The following RCAN2 variants were observed in gnomAD, a reference collection of about 807,000 sequenced individuals.
The protein encoded by RCAN2 is calcipressin-2.
A neutral mutation model predicts 23.6 loss-of-function variants in RCAN2; 9 were observed. That is an observed-to-expected ratio of 0.38 (90% CI 0.23 to 0.67). The LOEUF (loss-of-function observed/expected upper bound fraction) is 0.67, where lower values mean the gene tolerates loss of function less well. RCAN2 is among the 30% of genes least tolerant of loss of function. The pLI is 0.51. For missense variants in RCAN2, 273 were observed against 302.3 expected (o/e 0.90, Z 0.72); for synonymous variants, 109 against 115.7 (o/e 0.94, Z 0.37).
chr6:46,468,877 G>A lies in RCAN2; in HGVS notation c.-2-11899C>T, dbSNP rs549649534. On this transcript the variant is annotated intron_variant, in intron 1 of 4. Transcript: ENST00000371374. The stretch of plus-strand genomic sequence containing the variant: ...CATTGTCTCCAGCTGTGTTAAATCC[G>A]GAAGGCTGAGTGTTTTCATTCTCTC... The A allele has an allele frequency of 3.8e-5, 37 of 983,440 alleles. No homozygotes were observed. In the Admixed American group the frequency reaches 8.6e-4, roughly 23 times the overall value. 60.9% of individuals were successfully genotyped at this position (983,440 alleles called of 1,614,324 possible).
intron 2 of RCAN2, among the ~76,000 whole-genome samples, chr6:46,438,827 A>C (rs1170075516): frequency 6.6e-6 from 1 of 152,156 alleles, no homozygotes; most frequent in Non-Finnish European, 1.5e-5. Flanking sequence ...TGTACTCCCA[A>C]TGCCAAGAGC....
At chr6:46,238,406 T>A (rs935941409) in intron 4 of RCAN2, among the ~76,000 whole-genome samples, 1 of 152,178 alleles carries the variant, frequency 6.6e-6, no homozygotes, top group Non-Finnish European at 1.5e-5. Context: ...GATTTTTTTT[T>A]GTCATATGGT....
intron 2 of RCAN2, among the ~76,000 whole-genome samples, chr6:46,452,331 T>G (rs1218437993): frequency 6.6e-6 from 1 of 152,178 alleles, no homozygotes; most frequent in Admixed American, 6.6e-5. Context: ...ATTTATACTA[T>G]AATAACAAAC....
At chr6:46,449,193 C>G (rs1582210901) in intron 2 of RCAN2, among the ~76,000 whole-genome samples, 1 of 151,514 alleles carries the variant, frequency 6.6e-6, no homozygotes. Context: ...AAGGAACTAT[C>G]TGAAAAAGAA....
intron 2 of RCAN2, among the ~76,000 whole-genome samples, chr6:46,278,960 G>C (rs975670571): frequency 3.9e-5 from 6 of 152,158 alleles, no homozygotes; most frequent in Non-Finnish European, 8.8e-5. Flanking sequence ...CTATGCGTTG[G>C]AACCACCTAG....
At chr6:46,235,002 G>A (rs1390318441) in intron 4 of RCAN2, among the ~76,000 whole-genome samples, 2 of 152,232 alleles carry the variant, frequency 1.3e-5, no homozygotes, top group East Asian at 1.9e-4. Flanking sequence ...CAATTGCAGA[G>A]AAATGTGTTG....
chr6:46,274,923 G>C (rs774449771), intron 2 of RCAN2, among the ~76,000 whole-genome samples: 108 of 152,266 alleles, frequency 7.1e-4, no homozygotes, highest in Admixed American at 2.4e-3. Flanking sequence ...TCTTAACAGG[G>C]GAGCAAATGG....
chr6:46,439,711 G>A (rs1767475255), intron 2 of RCAN2, among the ~76,000 whole-genome samples: 1 of 152,066 alleles, frequency 6.6e-6, no homozygotes, highest in Non-Finnish European at 1.5e-5. Flanking sequence ...GGTAGGGCTA[G>A]GTAACCAAAT....
At chr6:46,238,752 T>G (rs776717833) in intron 4 of RCAN2, among the ~76,000 whole-genome samples, 7 of 152,038 alleles carry the variant, frequency 4.6e-5, no homozygotes, top group African/African-American at 9.7e-5. Context: ...AGGGGCCTCA[T>G]TACATTGCCT....
At chr6:46,223,322 A>G in intron 4 of RCAN2, 21 bp from the exon 5 acceptor site, 1 of 1,608,554 alleles carries the variant, frequency 6.2e-7, no homozygotes, top group Non-Finnish European at 8.5e-7. Flanking sequence ...AGAAAAATGG[A>G]AGTGAGAAAG....
intron 2 of RCAN2, among the ~76,000 whole-genome samples, chr6:46,409,790 CGT>C (rs1766497867): frequency 6.6e-6 from 1 of 152,126 alleles, no homozygotes; most frequent in Admixed American, 6.5e-5. Flanking sequence ...TGAGATATAT[CGT>C]GTGATAGTTA....
chr6:46,347,358 T>A (rs1352529625), intron 2 of RCAN2, among the ~76,000 whole-genome samples: 2 of 152,198 alleles, frequency 1.3e-5, no homozygotes, highest in Admixed American at 6.5e-5. Flanking sequence ...AAGTTAGTGA[T>A]AAAATGAAGT....
At chr6:46,314,188 C>A (rs1044914674) in intron 2 of RCAN2, among the ~76,000 whole-genome samples, 2 of 151,766 alleles carry the variant, frequency 1.3e-5, no homozygotes, top group Non-Finnish European at 2.9e-5. Flanking sequence ...ATGGCAAAGT[C>A]CCATCTCTAC....
At chr6:46,438,211 A>G (rs1436924723) in intron 2 of RCAN2, 1 of 152,232 alleles carries the variant, frequency 6.6e-6, no homozygotes, top group East Asian at 1.9e-4. Context: ...GGATGGGTCC[A>G]TGTGGAGACT....
chr6:46,241,385 A>G (rs909599302), intron 4 of RCAN2, among the ~76,000 whole-genome samples: 1 of 152,190 alleles, frequency 6.6e-6, no homozygotes, highest in African/African-American at 2.4e-5. Flanking sequence ...ACATTCCCCA[A>G]GGGACTAATA....
chr6:46,378,959 A>G (rs995848078), intron 2 of RCAN2, among the ~76,000 whole-genome samples: 4 of 152,202 alleles, frequency 2.6e-5, no homozygotes, highest in African/African-American at 9.7e-5. Context: ...TGCACATTGA[A>G]TCAAATCACT....
At chr6:46,305,365 T>C (rs917045141) in intron 2 of RCAN2, among the ~76,000 whole-genome samples, 1 of 152,104 alleles carries the variant, frequency 6.6e-6, no homozygotes, top group Non-Finnish European at 1.5e-5. Context: ...ATAGTCATCA[T>C]AACAGGGGCC....
intron 2 of RCAN2, among the ~76,000 whole-genome samples, chr6:46,448,324 G>T (rs1169196330): frequency 6.6e-6 from 1 of 151,822 alleles, no homozygotes; most frequent in East Asian, 1.9e-4. Context: ...CAAGTAAAAA[G>T]ATCAAATCAG....
At chr6:46,450,229 A>G (rs924619585) in intron 2 of RCAN2, among the ~76,000 whole-genome samples, 1 of 152,046 alleles carries the variant, frequency 6.6e-6, no homozygotes, top group Non-Finnish European at 1.5e-5. Context: ...GATCAGGGAA[A>G]TGCAAATTAT....
Sources: gnomAD v4.1 joint callset for allele counts (sites outside exome capture counted in the v4.1 genomes callset) on GRCh38, gnomAD v4.1.1 for gene constraint, MANE v1.5 for transcripts, NCBI Gene and HGNC (gene_info 2026-07-23, HGNC 2026-07-21) for gene names.